Variants in ROBO2 observed in about 807,000 individuals in gnomAD.
The protein encoded by ROBO2 is roundabout guidance receptor 2, also known as roundabout homolog 2.
A neutral mutation model predicts 160.8 loss-of-function variants in ROBO2; 53 were observed. The observed-to-expected ratio is 0.33, with a 90% CI of 0.26 to 0.41. The LOEUF is 0.41. Ranked by LOEUF, ROBO2 falls within the 10% of genes least tolerant of loss-of-function variation. ROBO2 has a pLI of 1.00. For missense variants in ROBO2, 1,577 were observed against 1,722.4 expected (o/e 0.92, Z 1.49); for synonymous variants, 664 against 611.7 (o/e 1.09, Z -1.26).
At chr3:76,389,830 C>T (rs1476325288) in intron 2 of ROBO2, among the ~76,000 whole-genome samples, 1 of 152,124 alleles carries the variant, frequency 6.6e-6, no homozygotes, top group East Asian at 1.9e-4. Context: ...ATTTTAGCCT[C>T]TCAGTTTATT....
intron 2 of ROBO2, among the ~76,000 whole-genome samples, chr3:77,215,740 A>G (rs1033553113): frequency 2.6e-5 from 4 of 152,042 alleles, no homozygotes; most frequent in Non-Finnish European, 5.9e-5. Flanking sequence ...GATGATGGTG[A>G]CGTACAGATG....
At chr3:77,427,630 C>T (rs1325153680) in intron 2 of ROBO2, among the ~76,000 whole-genome samples, 1 of 152,120 alleles carries the variant, frequency 6.6e-6, no homozygotes, top group Non-Finnish European at 1.5e-5. Flanking sequence ...CTTCTGGCTC[C>T]CACTGGCCAG....
At chr3:76,390,186 C>T (rs931390380) in intron 2 of ROBO2, among the ~76,000 whole-genome samples, 1 of 152,050 alleles carries the variant, frequency 6.6e-6, no homozygotes, top group African/African-American at 2.4e-5. Flanking sequence ...CCCACACCCT[C>T]CCCCACAAAA....
chr3:76,261,610 AT>A (rs1262364752), intron 2 of ROBO2, among the ~76,000 whole-genome samples: 1 of 152,136 alleles, frequency 6.6e-6, no homozygotes, highest in Non-Finnish European at 1.5e-5. Context: ...TGTAAATTAA[AT>A]TAATGAAAAA....
At chr3:77,247,786 CACTT>C (rs1480782985) in intron 2 of ROBO2, among the ~76,000 whole-genome samples, 4 of 152,138 alleles carry the variant, frequency 2.6e-5, no homozygotes, top group Admixed American at 6.5e-5. Context: ...CCAGATCTGC[CACTT>C]ACTTACTAAT....
intron 2 of ROBO2, among the ~76,000 whole-genome samples, chr3:76,607,901 C>T (rs1433283095): frequency 6.6e-6 from 1 of 152,158 alleles, no homozygotes; most frequent in Non-Finnish European, 1.5e-5. Context: ...TTAGACCTGA[C>T]CTTCAACACT....
rs572059228 is a variant in ROBO2, at chr3:76,094,289, C to T, written c.109+156687C>T. 2.3e-3 allele frequency among the ~76,000 whole-genome samples: 344 copies of T among 152,316 alleles called. 1 individual carries two copies. The highest frequency in any genetic ancestry group is 7.8e-3 in the African/African-American group (324 of 41,572). ...CAGTGACCAGATGGATGCGGCAAAG[C>T]GCTCTTAATCCTCAGAAGCAGGAAG... is the stretch of plus-strand genomic sequence containing the variant. On this transcript the variant is annotated intron_variant, in intron 2 of 26. Coordinates refer to the ROBO2 transcript ENST00000487694.
At chr3:76,503,847 T>C (rs779760015) in intron 2 of ROBO2, among the ~76,000 whole-genome samples, 1 of 152,164 alleles carries the variant, frequency 6.6e-6, no homozygotes, top group Non-Finnish European at 1.5e-5. Flanking sequence ...TTAAGTTAGG[T>C]AGGAGAAACA....
intron 2 of ROBO2, among the ~76,000 whole-genome samples, chr3:76,709,178 TC>T (rs2093236227): frequency 6.6e-6 from 1 of 152,090 alleles, no homozygotes. Context: ...AGATATGCAT[TC>T]CCCAAGGGAG....
At chr3:77,358,886 A>G (rs952644953) in intron 2 of ROBO2, among the ~76,000 whole-genome samples, 1 of 152,190 alleles carries the variant, frequency 6.6e-6, no homozygotes, top group African/African-American at 2.4e-5. Flanking sequence ...GGTAAGGTAA[A>G]TTATTATAGT....
intron 2 of ROBO2, among the ~76,000 whole-genome samples, chr3:76,896,508 A>C (rs1174069503): frequency 6.6e-6 from 1 of 152,166 alleles, no homozygotes; most frequent in African/African-American, 2.4e-5. Flanking sequence ...TTATATTTCA[A>C]ATAAATGCTA....
intron 2 of ROBO2, among the ~76,000 whole-genome samples, chr3:77,271,366 A>G (rs2059481371): frequency 1.3e-5 from 2 of 152,190 alleles, no homozygotes; most frequent in Admixed American, 6.5e-5. Flanking sequence ...TGAAAGGTAC[A>G]GTGTATTTTG....
intron 2 of ROBO2, among the ~76,000 whole-genome samples, chr3:76,360,025 C>T (rs2075412802): frequency 6.6e-6 from 1 of 151,992 alleles, no homozygotes; most frequent in Non-Finnish European, 1.5e-5. Flanking sequence ...GAGAAGTTTA[C>T]CATAATTAAT....
At chr3:77,455,936 G>T (rs1011532754) in intron 2 of ROBO2, among the ~76,000 whole-genome samples, 1 of 152,094 alleles carries the variant, frequency 6.6e-6, no homozygotes, top group African/African-American at 2.4e-5. Flanking sequence ...AAATGTGGAA[G>T]GAATCTGCAA....
intron 2 of ROBO2, among the ~76,000 whole-genome samples, chr3:76,811,819 TTCCTTCCTTCCTTCCTTCTTTCCTTCC>T (rs2065194614): frequency 9.6e-4 from 76 of 78,814 alleles, no homozygotes; most frequent in African/African-American, 1.8e-3. Flanking sequence ...CCTTCCTTCC[TTCCTTCCTTCCTTCCTTCTTTCCTTCC>T]TTCCTTCCTT....
At chr3:77,525,311 G>A (rs1582702678) in intron 6 of ROBO2, among the ~76,000 whole-genome samples, 1 of 139,774 alleles carries the variant, frequency 7.2e-6, no homozygotes, top group African/African-American at 2.6e-5. Flanking sequence ...TGATGTTTCT[G>A]CTAAAATTTT....
chr3:76,800,991 A>G (rs2064152852), intron 2 of ROBO2, among the ~76,000 whole-genome samples: 1 of 152,188 alleles, frequency 6.6e-6, no homozygotes. Flanking sequence ...ACAATTTGGA[A>G]TTAACCTAAG....
rs182469997 is a variant in ROBO2 at position 76,482,803 on chromosome 3, T to A, written c.109+545201T>A. Among the ~76,000 whole-genome samples, 3 of 152,250 alleles carry A rather than the reference T, an allele frequency of 2.0e-5. No homozygotes were observed. In the East Asian group the frequency reaches 5.8e-4, roughly 29 times the overall value. On this transcript the variant is annotated intron_variant, in intron 2 of 26. Coordinates refer to the ROBO2 transcript ENST00000487694. ...CACCTGCTTTAATCAGCGTAGTGCCTTGGGTATTATGGTCACTTTATCCTT... is the reference window on the plus strand; with the variant it reads ...CACCTGCTTTAATCAGCGTAGTGCCATGGGTATTATGGTCACTTTATCCTT...
chr3:76,369,940 C>T (rs747169573), intron 2 of ROBO2, among the ~76,000 whole-genome samples: 1 of 151,974 alleles, frequency 6.6e-6, no homozygotes, highest in East Asian at 1.9e-4. Flanking sequence ...CACCACTATG[C>T]TTCACAACTT....
Sources: gnomAD v4.1 joint callset for allele counts (sites outside exome capture counted in the v4.1 genomes callset) on GRCh38, gnomAD v4.1.1 for gene constraint, MANE v1.5 for transcripts, NCBI Gene and HGNC (gene_info 2026-07-23, HGNC 2026-07-21) for gene names.